The following ETV6 variants were observed in gnomAD, a reference collection of about 807,000 sequenced individuals.
The protein encoded by ETV6 is ETS variant transcription factor 6, also known as transcription factor ETV6.
Under a neutral mutation model 51.1 loss-of-function variants are expected in ETV6, and 16 were observed. The observed-to-expected ratio is 0.31, with a 90% CI of 0.21 to 0.48. The LOEUF (loss-of-function observed/expected upper bound fraction) is 0.48, where lower values mean the gene tolerates loss of function less well. ETV6 is among the 20% of genes least tolerant of loss of function. The pLI, the probability that ETV6 is intolerant of heterozygous loss-of-function variation, is 0.99. For missense variants in ETV6, 458 were observed against 594.8 expected, an observed-to-expected ratio of 0.77 and a Z score of 2.39; for synonymous variants, 240 against 224.1, an observed-to-expected ratio of 1.07 and a Z score of -0.64.
intron 2 of ETV6, among the ~76,000 whole-genome samples, chr12:11,837,133 C>G (rs1250469101): frequency 5.9e-5 from 9 of 152,206 alleles, no homozygotes; most frequent in Middle Eastern, 3.2e-3. Flanking sequence ...TTGGAGAGAG[C>G]TGGTACTTCC....
chr12:11,724,145 C>G (rs1865445501), intron 1 of ETV6, among the ~76,000 whole-genome samples: 1 of 152,134 alleles, frequency 6.6e-6, no homozygotes, highest in Non-Finnish European at 1.5e-5. Flanking sequence ...ACTAAGGGAT[C>G]GTAAGCAGGT....
At chr12:11,716,310 G>A (rs989502820) in intron 1 of ETV6, among the ~76,000 whole-genome samples, 33 of 127,832 alleles carry the variant, frequency 2.6e-4, no homozygotes, top group African/African-American at 8.9e-4. Flanking sequence ...CAGCCTGGGC[G>A]ACAGAGCAAG....
intron 1 of ETV6, among the ~76,000 whole-genome samples, chr12:11,706,376 C>T (rs1865072956): frequency 6.6e-6 from 1 of 152,220 alleles, no homozygotes; most frequent in African/African-American, 2.4e-5. Flanking sequence ...GACTCCATTT[C>T]TCTTCGCTGG....
At chr12:11,740,733 A>ACGCCGG (rs1194211360) in intron 1 of ETV6, among the ~76,000 whole-genome samples, 1 of 152,230 alleles carries the variant, frequency 6.6e-6, no homozygotes, top group Non-Finnish European at 1.5e-5. Context: ...GTAAATAAAT[A>ACGCCGG]CGCCGGGTTC....
intron 1 of ETV6, among the ~76,000 whole-genome samples, chr12:11,705,235 C>T (rs1865052740): frequency 1.3e-5 from 2 of 152,122 alleles, no homozygotes; most frequent in African/African-American, 2.4e-5. Flanking sequence ...TGAAGTGGGC[C>T]GGTGCTCAAA....
chr12:11,751,897 A>G (rs1866036863), intron 1 of ETV6: 6 of 487,136 alleles, frequency 1.2e-5, no homozygotes, highest in South Asian at 9.1e-5. Context: ...ATAGTGAGAT[A>G]GGTGGACAAT....
chr12:11,765,442 A>G (rs1421088727), intron 2 of ETV6, among the ~76,000 whole-genome samples: 1 of 149,606 alleles, frequency 6.7e-6, no homozygotes, highest in Non-Finnish European at 1.5e-5. Flanking sequence ...AGGTCTCTGT[A>G]TTGTTTCCTT....
intron 1 of ETV6, among the ~76,000 whole-genome samples, chr12:11,651,420 G>A (rs1286474934): frequency 6.6e-6 from 1 of 152,170 alleles, no homozygotes; most frequent in Non-Finnish European, 1.5e-5. Flanking sequence ...ACATTTTGGT[G>A]TTTCTTATCA....
At chr12:11,687,449 C>T (rs1016484100) in intron 1 of ETV6, among the ~76,000 whole-genome samples, 2 of 152,014 alleles carry the variant, frequency 1.3e-5, no homozygotes, top group African/African-American at 4.8e-5. Flanking sequence ...CCCAAAGTGC[C>T]GACATTACAG....
Position 11,855,262 on chromosome 12 carries a change from C to T in ETV6, c.463+1701C>T, listed in dbSNP as rs949014796. Among the ~76,000 whole-genome samples, 5 of 152,014 alleles carry T rather than the reference C, an allele frequency of 3.3e-5. No homozygotes were observed. In the East Asian group the frequency reaches 5.8e-4, roughly 18 times the overall value. ...TGGAGATTGCAGTGAGCTGAGATTGCGCCACTGCACTCCAGCCTGGGCGAC... is the reference window on the plus strand; with the variant it reads ...TGGAGATTGCAGTGAGCTGAGATTGTGCCACTGCACTCCAGCCTGGGCGAC... On this transcript the variant is annotated intron_variant, in intron 4 of 7. Coordinates refer to ENST00000396373, the MANE Select transcript of ETV6 (RefSeq NM_001987.5).
intron 1 of ETV6, among the ~76,000 whole-genome samples, chr12:11,669,305 G>T (rs1056679730): frequency 1.3e-4 from 20 of 151,100 alleles, no homozygotes; most frequent in African/African-American, 4.9e-4. Context: ...AAGGAACATG[G>T]ATGGACTTCT....
intron 2 of ETV6, among the ~76,000 whole-genome samples, chr12:11,753,732 C>T (rs756804422): frequency 1.4e-4 from 22 of 152,204 alleles, no homozygotes; most frequent in Non-Finnish European, 2.8e-4. Flanking sequence ...GGAACACTGC[C>T]GCCGGCTTAT....
chr12:11,804,297 T>C (rs2710304), intron 2 of ETV6, among the ~76,000 whole-genome samples: 101,467 of 152,070 alleles, frequency 0.67, 33,904 homozygotes, highest in African/African-American at 0.71. Context: ...ATCAGACTGT[T>C]ACTTCCCTGT....
chr12:11,650,219 C>G, intron 1 of ETV6, 59 bp downstream of exon 1: 1 of 1,456,392 alleles, frequency 6.9e-7, no homozygotes, highest in Non-Finnish European at 9.6e-7. Context: ...CCGGCCAGGG[C>G]AGTCGTGCTG....
intron 1 of ETV6, among the ~76,000 whole-genome samples, chr12:11,719,002 T>G (rs1046401984): frequency 6.6e-6 from 1 of 152,164 alleles, no homozygotes; most frequent in Non-Finnish European, 1.5e-5. Context: ...AATGTATGTG[T>G]TTAGTGTTTC....
chr12:11,851,995 T>G (rs1009854169), intron 3 of ETV6, among the ~76,000 whole-genome samples: 1 of 152,178 alleles, frequency 6.6e-6, no homozygotes, highest in African/African-American at 2.4e-5. Context: ...AATGTTTGTT[T>G]AAAAAAAGTC....
At chr12:11,757,641 A>C (rs1272418413) in intron 2 of ETV6, among the ~76,000 whole-genome samples, 1 of 152,218 alleles carries the variant, frequency 6.6e-6, no homozygotes, top group Non-Finnish European at 1.5e-5. Context: ...GCCGAATGTG[A>C]TTTCTACTTC....
chr12:11,667,876 A>G (rs1376420686), intron 1 of ETV6, among the ~76,000 whole-genome samples: 1 of 149,828 alleles, frequency 6.7e-6, no homozygotes, highest in Non-Finnish European at 1.5e-5. Flanking sequence ...TAAATTTTGT[A>G]TTTTTAGCAG....
intron 2 of ETV6, among the ~76,000 whole-genome samples, chr12:11,790,012 TG>T (rs1945556884): frequency 6.6e-6 from 1 of 152,196 alleles, no homozygotes; most frequent in African/African-American, 2.4e-5. Flanking sequence ...ATTATTAGGA[TG>T]TAGGTCCAAT....
Sources: gnomAD v4.1 joint callset for allele counts (sites outside exome capture counted in the v4.1 genomes callset) on GRCh38, gnomAD v4.1.1 for gene constraint, MANE v1.5 for transcripts, NCBI Gene and HGNC (gene_info 2026-07-23, HGNC 2026-07-21) for gene names.